The following SEMA6D variants were observed in gnomAD, a reference collection of about 807,000 sequenced individuals.
SEMA6D encodes the protein semaphorin 6D.
In SEMA6D, 35 loss-of-function variants were observed where a neutral mutation model predicts 106.6. The ratio of observed to expected loss-of-function variants is 0.33; its 90% CI spans 0.25 to 0.44. The LOEUF (loss-of-function observed/expected upper bound fraction) is 0.44, where lower values mean the gene tolerates loss of function less well. SEMA6D is among the 20% of genes least tolerant of loss of function. SEMA6D has a pLI of 1.00. For missense variants in SEMA6D, 1,185 were observed against 1,345.9 expected (o/e 0.88, Z 1.87); for synonymous variants, 499 against 487.7 (o/e 1.02, Z -0.31).
rs537713081 is a variant in SEMA6D at position 47,304,551 on chromosome 15, C to T, written c.-238-107842C>T. 2.0e-5 allele frequency among the ~76,000 whole-genome samples: 3 copies of T among 150,974 alleles called. No homozygotes were observed. The East Asian group carries it at 6.0e-4, about 30-fold the overall frequency. ...AAAGAAATAAAAATGACCACAAGCA[C>T]TTTAGTATTGGTAAAACTACTCCAG... On this transcript the variant is annotated intron_variant, in intron 1 of 19. Transcript: ENST00000558014.
intron 1 of SEMA6D, among the ~76,000 whole-genome samples, chr15:47,261,062 T>C (rs2034052815): frequency 6.6e-6 from 1 of 152,138 alleles, no homozygotes; most frequent in Admixed American, 6.6e-5. Context: ...TGGATATTAT[T>C]TCCAGGGTTT....
chr15:47,361,405 A>G (rs1023131126), intron 1 of SEMA6D, among the ~76,000 whole-genome samples: 1 of 152,230 alleles, frequency 6.6e-6, no homozygotes, highest in African/African-American at 2.4e-5. Flanking sequence ...TCAAACTAGA[A>G]ATTAGGAGTT....
rs1287855413 is a variant in SEMA6D, at chr15:47,280,009, C to T, written c.-239+95591C>T. 4.6e-5 allele frequency among the ~76,000 whole-genome samples: 7 copies of T among 151,058 alleles called. No individual in the cohort carries two copies. The East Asian group carries it at 1.4e-3, about 30-fold the overall frequency. ...TTCTCTTTTTTGGTTGTGTCTCTGCCCAGCTTTGGTATCAGGATGATGCTG... is the reference window on the plus strand; with the variant it reads ...TTCTCTTTTTTGGTTGTGTCTCTGCTCAGCTTTGGTATCAGGATGATGCTG... On this transcript the variant is annotated intron_variant, in intron 1 of 19. Transcript: ENST00000558014.
chr15:47,348,717 ACC>A (rs1567016605), intron 1 of SEMA6D, among the ~76,000 whole-genome samples: 52 of 44,990 alleles, frequency 1.2e-3, no homozygotes, highest in South Asian at 6.7e-3. Context: ...ACACACACAC[ACC>A]ACACACACAG....
At chr15:47,604,046 C>G (rs886445184) in intron 4 of SEMA6D, 2 of 152,188 alleles carry the variant, frequency 1.3e-5, no homozygotes, top group Non-Finnish European at 2.9e-5. Context: ...CATCAGTTAA[C>G]GAGCATAGAA....
intron 15 of SEMA6D, 122 bp from the exon 16 acceptor site, chr15:47,766,490 GTTTT>G: frequency 2.7e-6 from 1 of 372,554 alleles, no homozygotes; most frequent in Non-Finnish European, 4.5e-6. Context: ...TTAAAATGTT[GTTTT>G]TTTTTTTTCT....
chr15:47,768,633 C>T lies in SEMA6D; in HGVS notation c.1818C>T (p.Ile606=). 1 of 1,613,046 alleles carries T rather than the reference C, an allele frequency of 6.2e-7. No homozygotes were observed. Among genetic ancestry groups the T allele is most frequent in the Non-Finnish European group, 8.5e-7 (1 of 1,179,310 alleles). Residue 606 remains isoleucine (I), a synonymous_variant, in exon 18 of 19, where the codon ATC becomes ATT. Coordinates refer to ENST00000536845, the MANE Select transcript of SEMA6D (RefSeq NM_001358351.3). ...CCACAATGGCAAGTATCCCAGAAAT[C>T]ACACCTAAAGTGATTGATACCTGGA... ...SVTTMASIPE[I]TPKVIDTWRP...
intron 1 of SEMA6D, among the ~76,000 whole-genome samples, chr15:47,329,472 G>A (rs551522154): frequency 4.0e-4 from 61 of 152,270 alleles, no homozygotes; most frequent in African/African-American, 1.5e-3. Context: ...TAAGGTTCTG[G>A]CCTCATTACC....
intron 1 of SEMA6D, among the ~76,000 whole-genome samples, chr15:47,215,895 CCAAGGAT>C (rs2030546757): frequency 6.7e-6 from 1 of 148,408 alleles, no homozygotes; most frequent in Admixed American, 6.8e-5. Flanking sequence ...GGAGCAGTGC[CCAAGGAT>C]CATTACAAAG....
intron 1 of SEMA6D, among the ~76,000 whole-genome samples, chr15:47,298,316 A>C (rs554663809): frequency 7.9e-5 from 12 of 151,730 alleles, no homozygotes; most frequent in African/African-American, 2.2e-4. Flanking sequence ...CAATATAGAC[A>C]AAACAGGTTT....
At chr15:47,425,417 G>A (rs568734494) in intron 2 of SEMA6D, among the ~76,000 whole-genome samples, 1 of 151,880 alleles carries the variant, frequency 6.6e-6, no homozygotes, top group Admixed American at 6.6e-5. Flanking sequence ...AGTTCTAAGT[G>A]CTCAGCAAGC....
intron 1 of SEMA6D, among the ~76,000 whole-genome samples, chr15:47,246,547 C>T (rs75459967): frequency 0.024 from 3,628 of 152,240 alleles, 140 homozygotes; most frequent in African/African-American, 0.082. Flanking sequence ...TTCCAGCTTC[C>T]GGAAACTACT....
Position 47,449,599 on chromosome 15 carries a change from GA to G in SEMA6D, c.-158-20866del, listed in dbSNP as rs377409950. On this transcript the variant is annotated intron_variant, in intron 2 of 19. Coordinates refer to the SEMA6D transcript ENST00000558014. The stretch of plus-strand genomic sequence containing the variant: ...AGCAATTGTATTGAATTATTTATGA[GA>G]AAAAAAAAGTATCCCGAGCTTCTCA... Among the ~76,000 whole-genome samples the G allele has an allele frequency of 2.6e-5, 4 of 151,154 alleles. 1 individual carries two copies. Among genetic ancestry groups the G allele is most frequent in the South Asian group, 4.2e-4 (2 of 4,792 alleles).
rs902551858 is a variant in SEMA6D, at chr15:47,762,406, C to T, written c.658+87C>T. 5.2e-5 allele frequency: 76 copies of T among 1,447,694 alleles called. No individual in the cohort carries two copies. In the South Asian group the frequency reaches 7.0e-4, roughly 13 times the overall value. The allele number at this position is 1,447,694 out of a possible 1,614,324, so 89.7% of individuals were successfully genotyped here. A position where few individuals can be genotyped will look rare whatever the true frequency, so the allele number is the denominator to read the frequency against. On this transcript the variant is annotated intron_variant, in intron 8 of 18. Transcript: ENST00000536845. Reference sequence around the variant, plus strand: ...CAGCCACGGCCATCAAGAGGTTCAGCGCATGACTTTATATTGTTTATTTAG... The same window carrying T: ...CAGCCACGGCCATCAAGAGGTTCAGTGCATGACTTTATATTGTTTATTTAG...
intron 1 of SEMA6D, among the ~76,000 whole-genome samples, chr15:47,259,073 A>C (rs1375914863): frequency 6.6e-6 from 1 of 152,194 alleles, no homozygotes; most frequent in African/African-American, 2.4e-5. Context: ...TTTACCACTT[A>C]AAGTGAAATG....
At chr15:47,510,996 A>T (rs1268242460) in intron 3 of SEMA6D, among the ~76,000 whole-genome samples, 2 of 152,226 alleles carry the variant, frequency 1.3e-5, no homozygotes, top group African/African-American at 4.8e-5. Context: ...AATTTATGAG[A>T]TGAAAATCTG....
intron 3 of SEMA6D, among the ~76,000 whole-genome samples, chr15:47,520,180 T>C (rs1231983971): frequency 1.3e-5 from 2 of 152,224 alleles, no homozygotes; most frequent in African/African-American, 2.4e-5. Context: ...AAGAAACCAC[T>C]GGCTGATACA....
chr15:47,346,130 A>T (rs972503197), intron 1 of SEMA6D, among the ~76,000 whole-genome samples: 3 of 152,270 alleles, frequency 2.0e-5, no homozygotes, highest in African/African-American at 7.2e-5. Flanking sequence ...GAGTAACACA[A>T]AGACTTAGTT....
chr15:47,236,151 T>G (rs1181302373), intron 1 of SEMA6D, among the ~76,000 whole-genome samples: 1 of 152,132 alleles, frequency 6.6e-6, no homozygotes, highest in Non-Finnish European at 1.5e-5. Context: ...AAAAGGTTGA[T>G]TCCAATAGTT....
Sources: gnomAD v4.1 joint callset for allele counts (sites outside exome capture counted in the v4.1 genomes callset) on GRCh38, gnomAD v4.1.1 for gene constraint, MANE v1.5 for transcripts, NCBI Gene and HGNC (gene_info 2026-07-23, HGNC 2026-07-21) for gene names.